The following ZNHIT3 variants were observed in gnomAD, a reference collection of about 807,000 sequenced individuals.
The protein encoded by ZNHIT3 is zinc finger HIT domain-containing protein 3.
ZNHIT3 carries 27 observed loss-of-function variants against 19.9 expected under a neutral mutation model. The ratio of observed to expected loss-of-function variants is 1.36; its 90% confidence interval spans 1.00 to 1.87. The LOEUF (loss-of-function observed/expected upper bound fraction) is 1.87. ZNHIT3 is among the 40% of genes most tolerant of loss of function. The probability of loss-of-function intolerance (pLI) is 0.00; values close to 1 mark genes in which losing one functional copy is unlikely to be tolerated. For synonymous variants in ZNHIT3, 81 were observed against 65.7 expected (o/e 1.23, Z -1.13); for missense variants, 215 against 185.6 (o/e 1.16, Z -0.92).
chr17:36,492,835 TC>T lies in ZNHIT3; in HGVS notation c.143del (p.Pro48LeufsTer6). 6.2e-7 allele frequency: 1 copy of T among 1,614,122 alleles called. No individual in the cohort carries two copies. Among genetic ancestry groups the T allele is most frequent in the Non-Finnish European group, 8.5e-7 (1 of 1,179,994 alleles). ...HKEQCNPETRPVEKKIRSALP... is the reference protein window; with the variant it reads ...HKEQCNPETRXVEKKIRSALP... ...CAGAACAGTGCAACCCTGAAACTCG[TC>T]CTGTTGAGAAAAAAATAAGATCAGC... is the stretch of plus-strand genomic sequence containing the variant. On this transcript the variant is annotated frameshift_variant, in exon 3 of 5. Coordinates refer to ENST00000617429, the MANE Select transcript of ZNHIT3 (RefSeq NM_004773.4). LOFTEE classifies it high-confidence loss of function.
At chr17:36,487,148 TC>T (rs1415795340) in intron 2 of ZNHIT3, among the ~76,000 whole-genome samples, 182 bp downstream of exon 2, 6 of 152,094 alleles carry the variant, frequency 3.9e-5, no homozygotes. Flanking sequence ...GTCGGACAGT[TC>T]CCTCTGTTGT....
downstream of ZNHIT3, chr17:36,495,902 C>A (rs2070925523): frequency 2.5e-6 from 3 of 1,206,084 alleles, no homozygotes; most frequent in South Asian, 8.3e-5. Context: ...CCAACTTTGG[C>A]TGTTTTCTTC....
chr17:36,490,339 T>C (rs948639651), intron 2 of ZNHIT3: 3 of 152,164 alleles, frequency 2.0e-5, no homozygotes, highest in Non-Finnish European at 4.4e-5. Context: ...TATTGAAGAG[T>C]GCTTTTTTCC....
Position 36,495,766 on chromosome 17 carries a change from A to G in ZNHIT3, c.*362A>G, listed in dbSNP as rs185058476. The G allele has an allele frequency of 4.4e-4, 548 of 1,241,704 alleles. 1 individual carries two copies. The African/African-American group carries it at 7.8e-3, about 18-fold the overall frequency. The allele number at this position is 1,241,704 out of a possible 1,614,324, so 76.9% of individuals were successfully genotyped here. ...ACGTGATTCTACTGTACATTGCATT[A>G]TTCATAATTTAATTGTTTGAAATTA... On this transcript the variant is annotated 3_prime_UTR_variant, in exon 5 of 5. Transcript: ENST00000617429.
At chr17:36,496,132 A>T, downstream of ZNHIT3, 2 of 1,361,412 alleles carry the variant, frequency 1.5e-6, no homozygotes, top group Non-Finnish European at 1.0e-6. Flanking sequence ...TGGAGCCGTC[A>T]CTGTTGTTCA....
chr17:36,494,912 G>A (rs143744604), intron 4 of ZNHIT3, among the ~76,000 whole-genome samples: 6 of 152,262 alleles, frequency 3.9e-5, no homozygotes, highest in African/African-American at 9.6e-5. Flanking sequence ...GAAGTGGCAC[G>A]AAGTTACAAT....
At chr17:36,493,084 G>C (rs1447833655) in intron 3 of ZNHIT3, 185 bp downstream of exon 3, 14 of 627,162 alleles carry the variant, frequency 2.2e-5, no homozygotes, top group Non-Finnish European at 3.1e-5. Context: ...GCAACAGCCT[G>C]AAAGCAGTAT....
downstream of ZNHIT3, chr17:36,498,108 A>G: frequency 1.4e-6 from 1 of 710,592 alleles, no homozygotes; most frequent in East Asian, 2.7e-5. Context: ...AAATAATCCA[A>G]ACCTGCAGCT....
chr17:36,487,055 C>A, intron 2 of ZNHIT3, 89 bp downstream of exon 2: 4 of 1,535,406 alleles, frequency 2.6e-6, no homozygotes, highest in African/African-American at 1.4e-5. Context: ...GACCCTTGGG[C>A]TGCGCTTCCT....
intron 2 of ZNHIT3, chr17:36,491,987 A>T (rs545661697): frequency 3.3e-5 from 5 of 152,362 alleles, no homozygotes; most frequent in Admixed American, 1.3e-4. Context: ...GTAAAGGTTC[A>T]TTGAGCCACT....
chr17:36,498,806 T>TA, downstream of ZNHIT3: 1 of 595,614 alleles, frequency 1.7e-6, no homozygotes, highest in Non-Finnish European at 3.0e-6. Flanking sequence ...ATATAACTGA[T>TA]ATGCCATAAA....
rs1198204534 is a variant in ZNHIT3 at position 36,495,699 on chromosome 17, C to T, written c.*295C>T. On this transcript the variant is annotated 3_prime_UTR_variant, in exon 5 of 5. Coordinates refer to ENST00000617429, the MANE Select transcript of ZNHIT3 (RefSeq NM_004773.4). ...CATCATAAACGATATCAAGCTTACA[C>T]TTCATATGGAGTTAAACTTGGTCAG... The T allele has an allele frequency of 6.4e-6, 8 of 1,257,206 alleles. No homozygotes were observed. Among genetic ancestry groups the T allele is most frequent in the African/African-American group, 1.5e-5 (1 of 64,952 alleles). 77.9% of individuals were successfully genotyped at this position (1,257,206 alleles called of 1,614,324 possible).
intron 2 of ZNHIT3, chr17:36,490,376 GAA>G: frequency 6.6e-6 from 1 of 152,298 alleles, no homozygotes; most frequent in Middle Eastern, 3.4e-3. Context: ...GTGCCTTTGT[GAA>G]AAGTCAGTTG....
chr17:36,488,053 G>A (rs1447078437), intron 2 of ZNHIT3, among the ~76,000 whole-genome samples: 1 of 140,776 alleles, frequency 7.1e-6, no homozygotes, highest in Non-Finnish European at 1.5e-5. Flanking sequence ...AGCCAGGATC[G>A]TACCACTGCA....
Position 36,492,654 on chromosome 17 carries a change from C to T in ZNHIT3, c.119-159C>T, listed in dbSNP as rs931813411. Reference sequence around the variant, plus strand: ...CTGCTGGCGGTTTTCCTTAATCTCTCTCTTGCTTTGATCTCTCACTTCTTC... The same window carrying T: ...CTGCTGGCGGTTTTCCTTAATCTCTTTCTTGCTTTGATCTCTCACTTCTTC... On this transcript the variant is annotated intron_variant, in intron 2 of 4. Transcript: ENST00000617429. 4.6e-5 allele frequency: 31 copies of T among 666,858 alleles called. No individual in the cohort carries two copies. In the African/African-American group the frequency reaches 5.4e-4, roughly 12 times the overall value. The allele number at this position is 666,858 out of a possible 1,614,324, so 41.3% of individuals were successfully genotyped here.
intron 2 of ZNHIT3, chr17:36,491,678 C>CT (rs1464410207): frequency 2.0e-5 from 3 of 152,150 alleles, no homozygotes; most frequent in Admixed American, 6.5e-5. Context: ...GGTGATCTCT[C>CT]TTTCACTTTA....
chr17:36,498,779 GA>G (rs2071235249), downstream of ZNHIT3: 1 of 601,624 alleles, frequency 1.7e-6, no homozygotes, highest in Admixed American at 3.0e-5. Context: ...TTGAAAACAA[GA>G]TAAGAGTCCA....
At chr17:36,497,850 A>G (rs58388851), downstream of ZNHIT3, 764 of 170,102 alleles carry the variant, frequency 4.5e-3, 12 homozygotes, top group African/African-American at 0.018. Flanking sequence ...TTCCCAAAGT[A>G]CTGGGATTAT....
In ZNHIT3 at chr17:36,495,283, A is replaced by T; in HGVS notation, c.347A>T (p.Asn116Ile). ...CCACACCTCAGGCAGTTGATGGTCA[A>T]CCTCGATCAGGGAGAAGACAAAGCA... ...LNPHLRQLMVNLDQGEDKAKL... is the reference protein window; with the variant it reads ...LNPHLRQLMVILDQGEDKAKL... Residue 116 changes from asparagine to isoleucine, a missense_variant, in exon 5 of 5, where the codon AAC (asparagine) becomes ATC (isoleucine). By Grantham distance (149) the Asn-to-Ile change is moderately radical (BLOSUM62 -3). Transcript: ENST00000617429. The T allele has an allele frequency of 6.2e-7, 1 of 1,613,562 alleles. No individual in the cohort carries two copies. Among genetic ancestry groups the T allele is most frequent in the South Asian group, 1.1e-5 (1 of 90,944 alleles).
Sources: allele counts gnomAD v4.1 joint callset (sites outside exome capture counted in the v4.1 genomes callset), GRCh38; gene constraint gnomAD v4.1.1; transcripts MANE v1.5; gene names NCBI Gene and HGNC (gene_info 2026-07-23, HGNC 2026-07-21).